Variants in SIK3 observed in about 807,000 individuals in gnomAD.
The protein encoded by SIK3 is SIK family kinase 3.
Under a neutral mutation model 144.2 loss-of-function variants are expected in SIK3, and 28 were observed. The observed-to-expected ratio is 0.19, with a 90% CI of 0.14 to 0.27. The LOEUF (loss-of-function observed/expected upper bound fraction) is 0.27, where lower values mean the gene tolerates loss of function less well. Ranked by LOEUF, SIK3 falls within the 10% of genes least tolerant of loss-of-function variation. The pLI is 1.00. For missense variants in SIK3, 1,319 were observed against 1,776.0 expected (o/e 0.74, Z 4.62); for synonymous variants, 686 against 676.3 (o/e 1.01, Z -0.22).
intron 4 of SIK3, among the ~76,000 whole-genome samples, chr11:116,921,793 A>G (rs1404959066): frequency 6.6e-6 from 1 of 152,264 alleles, no homozygotes; most frequent in Non-Finnish European, 1.5e-5. Flanking sequence ...TTTGTTACTA[A>G]TAATTCTAAA....
intron 1 of SIK3, among the ~76,000 whole-genome samples, chr11:117,017,823 A>T (rs147168003): frequency 4.1e-4 from 62 of 152,340 alleles, no homozygotes; most frequent in Middle Eastern, 3.4e-3. Context: ...CTGTCTAGAT[A>T]GCTTATCATG....
chr11:117,010,063 A>T (rs1347966654), intron 1 of SIK3, among the ~76,000 whole-genome samples: 3 of 151,936 alleles, frequency 2.0e-5, no homozygotes, highest in Non-Finnish European at 4.4e-5. Flanking sequence ...GAAAAGGGTC[A>T]CATGATCATC....
chr11:116,888,933 G>A (rs1359144543), intron 6 of SIK3, among the ~76,000 whole-genome samples: 1 of 152,192 alleles, frequency 6.6e-6, no homozygotes, highest in Non-Finnish European at 1.5e-5. Flanking sequence ...CCCCCTATCT[G>A]AAGCCGGCTC....
At chr11:116,892,112 C>T (rs567119183) in intron 6 of SIK3, among the ~76,000 whole-genome samples, 319 of 152,230 alleles carry the variant, frequency 2.1e-3, no homozygotes, top group African/African-American at 7.1e-3. Context: ...TTGGATATGT[C>T]GCCCTAGATC....
rs542131138 is a variant in SIK3, at chr11:116,875,636, G to A, written c.1240-185C>T. Reference sequence around the variant, plus strand: ...AGAGGATAGCATCGCCTCATGATTTGCTATTTCTTCAAAAAAACAAAAGGC... The same window carrying A: ...AGAGGATAGCATCGCCTCATGATTTACTATTTCTTCAAAAAAACAAAAGGC... On this transcript the variant is annotated intron_variant, in intron 9 of 24. Transcript: ENST00000445177. The A allele has an allele frequency of 1.1e-5, 9 of 796,566 alleles. No homozygotes were observed. The South Asian group carries it at 1.5e-4, about 13-fold the overall frequency. The allele number at this position is 796,566 out of a possible 1,614,324, so 49.3% of individuals were successfully genotyped here.
At chr11:116,850,271 C>CCCTGGGCTATCTT (rs1247171176) in intron 21 of SIK3, among the ~76,000 whole-genome samples, 2 of 152,188 alleles carry the variant, frequency 1.3e-5, no homozygotes, top group Non-Finnish European at 2.9e-5. Context: ...TACAACACTG[C>CCCTGGGCTATCTT]CCTGGGCTAT....
chr11:116,859,134 A>G, intron 20 of SIK3, 131 bp downstream of exon 20: 1 of 842,154 alleles, frequency 1.2e-6, no homozygotes, highest in Non-Finnish European at 1.8e-6. Flanking sequence ...TCCTGATTTT[A>G]GAAAGCGTGA....
chr11:117,052,239 T>C (rs953594236), intron 1 of SIK3, among the ~76,000 whole-genome samples: 2 of 152,148 alleles, frequency 1.3e-5, no homozygotes, highest in Non-Finnish European at 2.9e-5. Flanking sequence ...GAACTTTCCT[T>C]GTATATGATG....
chr11:117,096,133 C>T (rs1196347225), intron 1 of SIK3, among the ~76,000 whole-genome samples: 1 of 152,212 alleles, frequency 6.6e-6, no homozygotes, highest in African/African-American at 2.4e-5. Flanking sequence ...ACTGGCTTTG[C>T]TGACTACTGA....
chr11:117,051,521 G>T (rs967719597), intron 1 of SIK3, among the ~76,000 whole-genome samples: 4 of 151,568 alleles, frequency 2.6e-5, no homozygotes, highest in African/African-American at 4.8e-5. Context: ...AGGTTTTGGG[G>T]TTTTTTTCCT....
intron 1 of SIK3, among the ~76,000 whole-genome samples, chr11:116,981,224 G>A (rs1441406540): frequency 2.0e-5 from 3 of 152,224 alleles, no homozygotes; most frequent in African/African-American, 7.2e-5. Context: ...ACCCAGGGCA[G>A]CTTGATAGAG....
chr11:117,030,020 G>GAA (rs2135791525), intron 1 of SIK3, among the ~76,000 whole-genome samples: 1 of 151,998 alleles, frequency 6.6e-6, no homozygotes, highest in South Asian at 2.1e-4. Flanking sequence ...AAGGAGTAAA[G>GAA]AGAAACAATT....
chr11:116,923,627 T>C (rs1411614284), intron 4 of SIK3, among the ~76,000 whole-genome samples: 1 of 152,232 alleles, frequency 6.6e-6, no homozygotes, highest in African/African-American at 2.4e-5. Flanking sequence ...AAAGCTAATG[T>C]TAGGTATTGT....
chr11:116,875,540 T>C, intron 9 of SIK3, 89 bp from the exon 10 acceptor site: 1 of 1,390,712 alleles, frequency 7.2e-7, no homozygotes, highest in Non-Finnish European at 9.8e-7. Context: ...TGCTAAAGTC[T>C]ATGTTTCCCT....
At chr11:117,029,986 G>T (rs774607416) in intron 1 of SIK3, among the ~76,000 whole-genome samples, 1 of 151,910 alleles carries the variant, frequency 6.6e-6, no homozygotes, top group Non-Finnish European at 1.5e-5. Context: ...GGAGAGCACA[G>T]AACCTAAGGA....
At chr11:117,044,815 C>T (rs1184782665) in intron 1 of SIK3, among the ~76,000 whole-genome samples, 3 of 152,026 alleles carry the variant, frequency 2.0e-5, no homozygotes, top group East Asian at 3.9e-4. Flanking sequence ...CACAGGAGTT[C>T]GAGGCTGCAG....
intron 1 of SIK3, among the ~76,000 whole-genome samples, chr11:117,095,314 T>C (rs1026021497): frequency 1.3e-5 from 2 of 151,954 alleles, no homozygotes; most frequent in Non-Finnish European, 2.9e-5. Context: ...TGTCTGACTG[T>C]TATATATGGT....
intron 4 of SIK3, among the ~76,000 whole-genome samples, chr11:116,901,018 C>T (rs1447667700): frequency 3.3e-5 from 5 of 152,066 alleles, no homozygotes. Context: ...GCATGCATCA[C>T]CATGCCTGGC....
intron 1 of SIK3, among the ~76,000 whole-genome samples, chr11:116,988,681 C>T (rs1445726346): frequency 2.0e-5 from 3 of 151,902 alleles, no homozygotes; most frequent in Admixed American, 6.6e-5. Context: ...GTGGTCCCAG[C>T]TACTTGGGAG....
Sources: gnomAD v4.1 joint callset for allele counts (sites outside exome capture counted in the v4.1 genomes callset) on GRCh38, gnomAD v4.1.1 for gene constraint, MANE v1.5 for transcripts, NCBI Gene and HGNC (gene_info 2026-07-23, HGNC 2026-07-21) for gene names.